SLC9A8: variants seen among roughly 807,000 people sequenced by gnomAD.
The protein encoded by SLC9A8 is sodium/hydrogen exchanger 8.
Under a neutral mutation model 66.6 loss-of-function variants are expected in SLC9A8, and 48 were observed. The observed-to-expected ratio is 0.72, with a 90% CI of 0.57 to 0.92. The LOEUF (loss-of-function observed/expected upper bound fraction) is 0.92. Ranked by LOEUF, SLC9A8 falls within the 40% of genes least tolerant of loss-of-function variation. The probability of loss-of-function intolerance (pLI) is 0.00; values close to 1 mark genes in which losing one functional copy is unlikely to be tolerated. For missense variants in SLC9A8, 599 were observed against 747.3 expected (o/e 0.80, Z 2.31); for synonymous variants, 274 against 282.6 (o/e 0.97, Z 0.31).
chr20:49,852,830 C>T (rs916278167), intron 7 of SLC9A8, among the ~76,000 whole-genome samples: 2 of 150,152 alleles, frequency 1.3e-5, no homozygotes, highest in Non-Finnish European at 2.9e-5. Context: ...CAAAGCATTT[C>T]CCCCAGCCTT....
intron 13 of SLC9A8, among the ~76,000 whole-genome samples, chr20:49,882,090 C>T (rs940774792): frequency 6.6e-6 from 1 of 152,146 alleles, no homozygotes; most frequent in African/African-American, 2.4e-5. Context: ...ACCGGCCCCT[C>T]CCATCATCAT....
In SLC9A8 at chr20:49,887,893, AG is replaced by A. The variant is rs753719789; in HGVS notation, c.1706del (p.Gly569AlafsTer130). ...AACAAGTGGTACGAGGAGGTACGCC[AG>A]GGCCCCTCCGGCTCCGAGGACGACG... ...LTNKWYEEVRQGPSGSEDDEQ... is the reference protein window; with the variant it reads ...LTNKWYEEVRXGPSGSEDDEQ... On this transcript the variant is annotated frameshift_variant, in exon 16 of 16. Coordinates refer to ENST00000361573, the MANE Select transcript of SLC9A8 (RefSeq NM_015266.3). LOFTEE classifies it high-confidence loss of function. 1.9e-6 allele frequency: 3 copies of A among 1,613,838 alleles called. No individual in the cohort carries two copies. The South Asian group carries it at 3.3e-5, about 18-fold the overall frequency.
intron 10 of SLC9A8, among the ~76,000 whole-genome samples, chr20:49,872,854 T>C (rs1434457804): frequency 1.3e-5 from 2 of 152,246 alleles, no homozygotes; most frequent in Non-Finnish European, 2.9e-5. Flanking sequence ...CAGAAGTGAA[T>C]TAAAACTTTG....
intron 10 of SLC9A8, among the ~76,000 whole-genome samples, chr20:49,866,520 A>G (rs1044886081): frequency 6.6e-5 from 10 of 152,174 alleles, no homozygotes; most frequent in Admixed American, 5.2e-4. Flanking sequence ...TTGCCACCAC[A>G]CTTATTTTAA....
At chr20:49,865,512 T>C (rs1468903192) in intron 10 of SLC9A8, among the ~76,000 whole-genome samples, 1 of 152,122 alleles carries the variant, frequency 6.6e-6, no homozygotes, top group Non-Finnish European at 1.5e-5. Flanking sequence ...AGATTGACAG[T>C]GGAGGCCCAG....
chr20:49,870,202 T>A (rs776301133), intron 10 of SLC9A8, among the ~76,000 whole-genome samples: 6 of 152,222 alleles, frequency 3.9e-5, no homozygotes, highest in Non-Finnish European at 8.8e-5. Flanking sequence ...GGGGCTACAT[T>A]TATAAACAAC....
At chr20:49,857,649 C>CA (rs2088553155) in intron 8 of SLC9A8, among the ~76,000 whole-genome samples, 1 of 152,178 alleles carries the variant, frequency 6.6e-6, no homozygotes, top group African/African-American at 2.4e-5. Flanking sequence ...ACCTGGGAGA[C>CA]AGAGGTTGAA....
Position 49,888,410 on chromosome 20 carries a change from C to A in SLC9A8, c.*474C>A. On this transcript the variant is annotated 3_prime_UTR_variant, in exon 16 of 16. Coordinates refer to ENST00000361573, the MANE Select transcript of SLC9A8 (RefSeq NM_015266.3). ...TCAAGATGCCTCTGCAGCCACAATT[C>A]TGACCTAAGTGGCAGGGCCCAGAAA... 6.1e-6 allele frequency: 1 copy of A among 164,532 alleles called. No individual in the cohort carries two copies. Among genetic ancestry groups the A allele is most frequent in the Non-Finnish European group, 1.4e-5 (1 of 73,912 alleles). 10.2% of individuals were successfully genotyped at this position (164,532 alleles called of 1,614,324 possible). A position where few individuals can be genotyped will look rare whatever the true frequency, so the allele number is the denominator to read the frequency against.
chr20:49,884,235 C>CACG lies in SLC9A8; in HGVS notation c.1491+171_1491+172insGAC, dbSNP rs1555848265. The CACG allele has an allele frequency of 7.2e-5, 15 of 208,144 alleles. 1 individual carries two copies. Among genetic ancestry groups the CACG allele is most frequent in the African/African-American group, 6.8e-4 (12 of 17,550 alleles). 12.9% of individuals were successfully genotyped at this position (208,144 alleles called of 1,614,324 possible). A position where few individuals can be genotyped will look rare whatever the true frequency, so the allele number is the denominator to read the frequency against. On this transcript the variant is annotated intron_variant, in intron 14 of 15. Coordinates refer to ENST00000361573, the MANE Select transcript of SLC9A8 (RefSeq NM_015266.3). Reference sequence around the variant, plus strand: ...ACACACACACACACACACACACACACACACACGACACACACACACACACGA... The same window carrying CACG: ...ACACACACACACACACACACACACACACGACACACGACACACACACACACACGA...
intron 4 of SLC9A8, among the ~76,000 whole-genome samples, chr20:49,842,054 A>ATTTTTTT (rs1433284422): frequency 2.1e-5 from 3 of 140,614 alleles, no homozygotes; most frequent in Admixed American, 7.2e-5. Flanking sequence ...ATTTTATTTT[A>ATTTTTTT]TTTTATTTTT....
intron 8 of SLC9A8, among the ~76,000 whole-genome samples, chr20:49,861,054 T>C (rs2088714011): frequency 6.6e-6 from 1 of 151,858 alleles, no homozygotes; most frequent in African/African-American, 2.4e-5. Flanking sequence ...GAGGGATGAA[T>C]AAGGGAGTTA....
chr20:49,838,386 A>G (rs1306186416), intron 3 of SLC9A8, among the ~76,000 whole-genome samples: 1 of 152,260 alleles, frequency 6.6e-6, no homozygotes. Flanking sequence ...TCCATGCTCC[A>G]TGCCCTCTGG....
intron 10 of SLC9A8, among the ~76,000 whole-genome samples, chr20:49,870,869 G>A (rs2089184165): frequency 6.6e-6 from 1 of 151,982 alleles, no homozygotes; most frequent in African/African-American, 2.4e-5. Flanking sequence ...CACCCAACTA[G>A]TTTTGTATTT....
At chr20:49,863,541 G>A (rs779303054) in intron 9 of SLC9A8, among the ~76,000 whole-genome samples, 1 of 152,128 alleles carries the variant, frequency 6.6e-6, no homozygotes, top group Non-Finnish European at 1.5e-5. Context: ...GGAATATAGT[G>A]AGACCTCATC....
chr20:49,861,389 C>T (rs1035200818), intron 8 of SLC9A8, among the ~76,000 whole-genome samples: 15 of 152,114 alleles, frequency 9.9e-5, no homozygotes, highest in African/African-American at 2.9e-4. Flanking sequence ...ACAGAAAATA[C>T]AAAAACTAAC....
intron 15 of SLC9A8, 112 bp from the exon 16 acceptor site, chr20:49,887,717 C>A: frequency 1.3e-6 from 1 of 756,556 alleles, no homozygotes. Flanking sequence ...GGCCATCACC[C>A]TGCCTCCCAC....
chr20:49,882,738 G>A (rs2281220), intron 13 of SLC9A8, among the ~76,000 whole-genome samples: 24 of 152,286 alleles, frequency 1.6e-4, no homozygotes, highest in African/African-American at 5.5e-4. Context: ...CTGGCTAGCC[G>A]GTACTAAGCA....
intron 12 of SLC9A8, among the ~76,000 whole-genome samples, chr20:49,878,605 T>C (rs1022808947): frequency 6.6e-5 from 10 of 152,254 alleles, no homozygotes; most frequent in Non-Finnish European, 1.3e-4. Context: ...ATATTGTTCC[T>C]GCAACCTGGG....
At chr20:49,822,470 G>T (rs2086775457) in intron 2 of SLC9A8, among the ~76,000 whole-genome samples, 1 of 152,124 alleles carries the variant, frequency 6.6e-6, no homozygotes, top group African/African-American at 2.4e-5. Context: ...AATTTTATAA[G>T]GTTTAACAGC....
Sources: gnomAD v4.1 joint callset for allele counts (sites outside exome capture counted in the v4.1 genomes callset) on GRCh38, gnomAD v4.1.1 for gene constraint, MANE v1.5 for transcripts, NCBI Gene and HGNC (gene_info 2026-07-23, HGNC 2026-07-21) for gene names.